TRIQK: variants seen among roughly 807,000 people sequenced by gnomAD.
TRIQK encodes the protein triple QxxK/R motif-containing protein.
A neutral mutation model predicts 10.8 loss-of-function variants in TRIQK; 10 were observed. That is an observed-to-expected ratio of 0.92 (90% CI 0.57 to 1.57). The LOEUF (loss-of-function observed/expected upper bound fraction) is 1.57, where lower values mean the gene tolerates loss of function less well. TRIQK is among the 40% of genes most tolerant of loss of function. The pLI, the probability that TRIQK is intolerant of heterozygous loss-of-function variation, is 0.00. For missense variants in TRIQK, 107 were observed against 97.7 expected, an observed-to-expected ratio of 1.09 and a Z score of -0.40; for synonymous variants, 33 against 33.7, an observed-to-expected ratio of 0.98 and a Z score of 0.07.
intron 4 of TRIQK, among the ~76,000 whole-genome samples, chr8:92,887,131 C>G (rs1816525402): frequency 6.6e-6 from 1 of 151,152 alleles, no homozygotes. Flanking sequence ...GGCTTCAATA[C>G]ATTCAGTATT....
intron 2 of TRIQK, among the ~76,000 whole-genome samples, chr8:92,946,713 T>C (rs1405325960): frequency 1.3e-5 from 2 of 151,960 alleles, no homozygotes; most frequent in African/African-American, 4.8e-5. Flanking sequence ...ATTTCTCCTT[T>C]ATGTGTCATA....
chr8:92,893,503 G>A (rs952318100), intron 3 of TRIQK, among the ~76,000 whole-genome samples: 2 of 151,834 alleles, frequency 1.3e-5, no homozygotes, highest in Non-Finnish European at 2.9e-5. Context: ...GTCATAATAT[G>A]TATCAAATGA....
chr8:92,929,364 C>G lies in TRIQK; in HGVS notation c.-21-12354G>C, dbSNP rs144955980. Among the ~76,000 whole-genome samples, 659 of 152,202 alleles carry G rather than the reference C, an allele frequency of 4.3e-3. 3 individuals carry two copies. Among genetic ancestry groups the G allele is most frequent in the Non-Finnish European group, 6.9e-3 (471 of 67,980 alleles). ...AATCTACATTACAAAATGTTTAAAA[C>G]AAGAAATAAGAAAACAAAGCACTTG... On this transcript the variant is annotated intron_variant, in intron 2 of 4. Transcript: ENST00000521988.
intron 3 of TRIQK, among the ~76,000 whole-genome samples, chr8:92,901,974 G>A (rs1808963997): frequency 6.6e-6 from 1 of 152,072 alleles, no homozygotes; most frequent in South Asian, 2.1e-4. Context: ...TTAGTGAGTT[G>A]TATGAGTCTA....
At chr8:92,963,019 C>T (rs889009616) in intron 1 of TRIQK, among the ~76,000 whole-genome samples, 5 of 152,102 alleles carry the variant, frequency 3.3e-5, no homozygotes, top group Non-Finnish European at 2.9e-5. Flanking sequence ...TGTTTACAAA[C>T]GCAAGAGAGG....
intron 1 of TRIQK, among the ~76,000 whole-genome samples, chr8:92,976,570 G>GT (rs1812933568): frequency 6.6e-6 from 1 of 151,844 alleles, no homozygotes; most frequent in African/African-American, 2.4e-5. Flanking sequence ...GTTGAGTCTT[G>GT]TTTTTTAAAA....
chr8:93,015,387 CT>C (rs1813374456), intron 1 of TRIQK, among the ~76,000 whole-genome samples: 1 of 151,168 alleles, frequency 6.6e-6, no homozygotes, highest in Non-Finnish European at 1.5e-5. Flanking sequence ...ATAATTAACC[CT>C]TTTCCCCATT....
intron 1 of TRIQK, among the ~76,000 whole-genome samples, chr8:92,956,527 A>G (rs1416985048): frequency 6.6e-6 from 1 of 151,858 alleles, no homozygotes; most frequent in African/African-American, 2.4e-5. Flanking sequence ...GATAAACTTT[A>G]TGATTGTGAA....
chr8:92,966,980 C>CAAAAAAAAAAAAAAAAA (rs10655820), upstream of TRIQK, among the ~76,000 whole-genome samples: 1 of 68,844 alleles, frequency 1.5e-5, no homozygotes, highest in Non-Finnish European at 2.6e-5. Flanking sequence ...AAGTAGCATA[C>CAAAAAAAAAAAAAAAAA]AAAAAAAAAA....
At chr8:93,007,263 C>T (rs973086856) in intron 1 of TRIQK, among the ~76,000 whole-genome samples, 1 of 152,178 alleles carries the variant, frequency 6.6e-6, no homozygotes, top group Non-Finnish European at 1.5e-5. Context: ...TACGGAAGCA[C>T]ATAGGCCTAC....
intron 1 of TRIQK, among the ~76,000 whole-genome samples, chr8:93,004,434 C>G (rs943609147): frequency 3.9e-5 from 6 of 152,206 alleles, no homozygotes; most frequent in African/African-American, 1.2e-4. Context: ...CCTCCTAGGC[C>G]TCCAGGCCTG....
At chr8:92,920,387 A>C (rs1237738744) in intron 2 of TRIQK, among the ~76,000 whole-genome samples, 1 of 151,760 alleles carries the variant, frequency 6.6e-6, no homozygotes, top group East Asian at 1.9e-4. Flanking sequence ...TAGTCATGTC[A>C]CAAGCAAAAA....
rs546307155 is a variant in TRIQK at position 92,902,812 on chromosome 8, G to C, written c.62-10738C>G. Among the ~76,000 whole-genome samples the C allele has an allele frequency of 3.3e-5, 5 of 151,706 alleles. No homozygotes were observed. In the South Asian group the frequency reaches 1.0e-3, roughly 32 times the overall value. ...AGGTCTAACTTTTTTGTTTCTCTTT[G>C]TTCCCTTTGATTTTTGTTGCTCTTT... On this transcript the variant is annotated intron_variant, in intron 3 of 4. Coordinates refer to ENST00000521988, the MANE Select transcript of TRIQK (RefSeq NM_001171797.2).
chr8:93,002,795 C>T (rs572211197), intron 1 of TRIQK, among the ~76,000 whole-genome samples: 1 of 151,996 alleles, frequency 6.6e-6, no homozygotes, highest in Non-Finnish European at 1.5e-5. Flanking sequence ...TAGGGGGAGT[C>T]TGTAATCCCG....
chr8:92,964,218 A>AGCAGAG (rs1444358559), intron 1 of TRIQK, among the ~76,000 whole-genome samples: 21 of 152,248 alleles, frequency 1.4e-4, no homozygotes, highest in Non-Finnish European at 2.1e-4. Flanking sequence ...GCTCCCAGCT[A>AGCAGAG]TGTAGCCTTG....
chr8:92,883,672 A>T lies in TRIQK; in HGVS notation c.*2950T>A, dbSNP rs541681956. The T allele has an allele frequency of 7.9e-5, 12 of 151,920 alleles. No homozygotes were observed. The South Asian group carries it at 2.5e-3, about 31-fold the overall frequency. 9.4% of individuals were successfully genotyped at this position (151,920 alleles called of 1,614,324 possible). A position where few individuals can be genotyped will look rare whatever the true frequency, so the allele number is the denominator to read the frequency against. Reference sequence around the variant, plus strand: ...ATGCATTTATTAAATTTATATGCAGATGACTACACTACTGCAATTACAGAA... The same window carrying T: ...ATGCATTTATTAAATTTATATGCAGTTGACTACACTACTGCAATTACAGAA... On this transcript the variant is annotated 3_prime_UTR_variant, in exon 5 of 5. Coordinates refer to ENST00000521988, the MANE Select transcript of TRIQK (RefSeq NM_001171797.2).
rs529051759 is a variant in TRIQK, at chr8:92,902,220, T to C, written c.62-10146A>G. ...TATCTAGGATCCCAGAGTATTTTAGTCCGTGGTGATGACGCTTGCTGAAAC... is the reference window on the plus strand; with the variant it reads ...TATCTAGGATCCCAGAGTATTTTAGCCCGTGGTGATGACGCTTGCTGAAAC... On this transcript the variant is annotated intron_variant, in intron 3 of 4. Coordinates refer to ENST00000521988, the MANE Select transcript of TRIQK (RefSeq NM_001171797.2). Among the ~76,000 whole-genome samples, 5 of 152,186 alleles carry C rather than the reference T, an allele frequency of 3.3e-5. No homozygotes were observed. The South Asian group carries it at 1.0e-3, about 32-fold the overall frequency.
At chr8:92,946,170 G>A (rs912042164) in intron 2 of TRIQK, among the ~76,000 whole-genome samples, 4 of 151,984 alleles carry the variant, frequency 2.6e-5, no homozygotes, top group Non-Finnish European at 5.9e-5. Flanking sequence ...TAATATCACA[G>A]CATACAAACA....
At chr8:92,969,554 G>GT (rs907902863), upstream of TRIQK, among the ~76,000 whole-genome samples, 788 of 139,778 alleles carry the variant, frequency 5.6e-3, 2 homozygotes, top group African/African-American at 0.011. Flanking sequence ...TCTTATGACA[G>GT]TTTTTTTTTT....
Sources: gnomAD v4.1 joint callset for allele counts (sites outside exome capture counted in the v4.1 genomes callset) on GRCh38, gnomAD v4.1.1 for gene constraint, MANE v1.5 for transcripts, NCBI Gene and HGNC (gene_info 2026-07-23, HGNC 2026-07-21) for gene names.